Variants in SPATA7 observed in about 807,000 individuals in gnomAD.
SPATA7 encodes the protein spermatogenesis-associated protein 7.
In SPATA7, 43 loss-of-function variants were observed where a neutral mutation model predicts 51.8. That is an observed-to-expected ratio of 0.83 (90% CI 0.65 to 1.07). The LOEUF (loss-of-function observed/expected upper bound fraction) is 1.07, where lower values mean the gene tolerates loss of function less well. SPATA7 is among the 50% of genes least tolerant of loss of function. SPATA7 has a pLI of 0.00. For missense variants in SPATA7, 683 were observed against 701.3 expected (o/e 0.97, Z 0.30); for synonymous variants, 230 against 252.8 (o/e 0.91, Z 0.86).
At position 88,437,565 on chromosome 14, in the gene SPATA7, C is replaced by T. The variant is rs75895925; in HGVS notation, c.1183C>T (p.Arg395Ter). ...TAGGTTTTTAGAACGACTGTTCGAG[C>T]GACATATAAAACAAAATAAACATTT... ...SNRFLERLFE[R>*]HIKQNKHLEE... Residue 395 changes from arginine to a stop codon, truncating the protein, a stop_gained, in exon 11 of 12, where the codon CGA becomes TGA. Transcript: ENST00000393545. LOFTEE classifies it low-confidence loss of function (END_TRUNC). The T allele has an allele frequency of 1.5e-5, 24 of 1,609,924 alleles. No individual in the cohort carries two copies. The highest frequency in any genetic ancestry group is 8.9e-5 in the East Asian group (4 of 44,782).
chr14:88,457,446 T>C (rs895903820), downstream of SPATA7, among the ~76,000 whole-genome samples: 1 of 152,224 alleles, frequency 6.6e-6, no homozygotes, highest in African/African-American at 2.4e-5. Context: ...TTCACATCCC[T>C]TGTAAGTTGG....
chr14:88,386,481 A>T (rs1402082311), intron 1 of SPATA7, among the ~76,000 whole-genome samples: 1 of 152,136 alleles, frequency 6.6e-6, no homozygotes, highest in African/African-American at 2.4e-5. Context: ...TGCATTTATA[A>T]TAAATTCCAA....
chr14:88,468,769 C>A (rs1202210495), intron 4 of SPATA7: 5 of 902,006 alleles, frequency 5.5e-6, no homozygotes, highest in Non-Finnish European at 6.8e-6. Context: ...CAAGAAGACA[C>A]AGCCTTTTGC....
intron 8 of SPATA7, among the ~76,000 whole-genome samples, chr14:88,430,938 A>G (rs967350139): frequency 5.3e-5 from 8 of 152,170 alleles, no homozygotes; most frequent in African/African-American, 1.7e-4. Flanking sequence ...AAAATCCGAC[A>G]TGATGCCCAA....
chr14:88,436,938 AT>A (rs374068608), intron 10 of SPATA7, among the ~76,000 whole-genome samples: 3,948 of 150,630 alleles, frequency 0.026, 180 homozygotes, highest in African/African-American at 0.091. Flanking sequence ...ACATTTTAGG[AT>A]TTTTTTTTCT....
chr14:88,444,637 A>C (rs2077199295), intron 3 of SPATA7, among the ~76,000 whole-genome samples: 1 of 152,270 alleles, frequency 6.6e-6, no homozygotes, highest in African/African-American at 2.4e-5. Flanking sequence ...TTAAGTCTTT[A>C]ATCCATCCTG....
chr14:88,438,583 C>G (rs2077155440), downstream of SPATA7: 1 of 698,958 alleles, frequency 1.4e-6, no homozygotes, highest in Non-Finnish European at 2.5e-6. Context: ...ATTTATCCCA[C>G]AGTTTTGTGG....
intron 4 of SPATA7, among the ~76,000 whole-genome samples, chr14:88,464,204 T>G (rs887112123): frequency 2.0e-5 from 3 of 152,196 alleles, no homozygotes; most frequent in Non-Finnish European, 4.4e-5. Flanking sequence ...TCCAGGAATT[T>G]GAAAAGCTCA....
chr14:88,423,530 T>G (rs990497340), intron 5 of SPATA7, among the ~76,000 whole-genome samples: 5 of 151,476 alleles, frequency 3.3e-5, no homozygotes, highest in Middle Eastern at 3.2e-3. Flanking sequence ...CACTCCAGCC[T>G]GGGTAACAAA....
chr14:88,441,086 T>C (rs1272376939), downstream of SPATA7, among the ~76,000 whole-genome samples: 2 of 152,160 alleles, frequency 1.3e-5, no homozygotes, highest in Non-Finnish European at 2.9e-5. Flanking sequence ...TGTTTGGTTT[T>C]CCATTCCTGA....
At chr14:88,424,998 A>G (rs1396177753) in intron 5 of SPATA7, among the ~76,000 whole-genome samples, 1 of 152,210 alleles carries the variant, frequency 6.6e-6, no homozygotes, top group Admixed American at 6.5e-5. Flanking sequence ...TGTAAAAAAA[A>G]TCTAAAATCA....
At position 88,469,696 on chromosome 14, in the gene SPATA7, C is replaced by T. The variant is rs780608005; in HGVS notation, c.255-151C>T. Reference sequence around the variant, plus strand: ...GACAGTGTTGTGCCTGGAACCAAGTCGTGGCCAGTACCTAAAGCTCTTCTC... The same window carrying T: ...GACAGTGTTGTGCCTGGAACCAAGTTGTGGCCAGTACCTAAAGCTCTTCTC... On this transcript the variant is annotated intron_variant, in intron 4 of 4. Transcript: ENST00000556406. The surrounding 1 kb of genome is among the most constrained non-coding windows in gnomAD (Gnocchi z 4.3). The T allele has an allele frequency of 3.1e-6, 5 of 1,614,128 alleles. No homozygotes were observed. The highest frequency in any genetic ancestry group is 2.2e-5 in the South Asian group (2 of 91,052).
chr14:88,409,798 C>T (rs1215660010), intron 4 of SPATA7, among the ~76,000 whole-genome samples: 2 of 152,124 alleles, frequency 1.3e-5, no homozygotes, highest in African/African-American at 4.8e-5. Flanking sequence ...TGTCTTTGTT[C>T]TCATTGGTTT....
intron 4 of SPATA7, chr14:88,468,961 C>G: frequency 5.6e-6 from 9 of 1,614,168 alleles, no homozygotes; most frequent in African/African-American, 1.3e-5. Context: ...ACAAAATCAC[C>G]ACGCCAGTCC....
chr14:88,419,578 C>G (rs1037698179), intron 5 of SPATA7, among the ~76,000 whole-genome samples: 139 of 150,364 alleles, frequency 9.2e-4, no homozygotes, highest in African/African-American at 3.3e-3. Flanking sequence ...CCAGGCCAGA[C>G]TGCAGTGGCG....
At chr14:88,391,715 C>G in intron 2 of SPATA7, 1 of 522,828 alleles carries the variant, frequency 1.9e-6, no homozygotes, top group Admixed American at 2.7e-5. Flanking sequence ...CTACTTTTGC[C>G]AGGAAACTAC....
rs1289503020 is a variant in SPATA7, at chr14:88,385,680, G to A, written c.-139G>A. 2.2e-5 allele frequency: 18 copies of A among 829,576 alleles called. No homozygotes were observed. The Admixed American group carries it at 3.4e-4, about 16-fold the overall frequency. 51.4% of individuals were successfully genotyped at this position (829,576 alleles called of 1,614,324 possible). ...TCACTGGACCCAGCCCTTAGCAACG[G>A]CCTGGCAACGGTTTCCCTGCTGCTG... On this transcript the variant is annotated 5_prime_UTR_variant, in exon 1 of 12. Coordinates refer to ENST00000393545, the MANE Select transcript of SPATA7 (RefSeq NM_018418.5).
At chr14:88,399,280 C>G (rs1365753890) in intron 4 of SPATA7, among the ~76,000 whole-genome samples, 2 of 152,146 alleles carry the variant, frequency 1.3e-5, no homozygotes, top group Non-Finnish European at 2.9e-5. Context: ...AACACAGTGT[C>G]TGTCTCAGGC....
chr14:88,419,177 C>T (rs977555646), intron 5 of SPATA7, among the ~76,000 whole-genome samples: 1 of 151,938 alleles, frequency 6.6e-6, no homozygotes, highest in African/African-American at 2.4e-5. Flanking sequence ...AGCTATTTCT[C>T]CTTGTGGTAC....
Sources: allele counts gnomAD v4.1 joint callset (sites outside exome capture counted in the v4.1 genomes callset), GRCh38; gene constraint gnomAD v4.1.1; non-coding constraint Gnocchi (gnomAD v3.1); transcripts MANE v1.5; gene names NCBI Gene and HGNC (gene_info 2026-07-23, HGNC 2026-07-21).